The following FER1L6 variants were observed in gnomAD, a reference collection of about 807,000 sequenced individuals.
The protein encoded by FER1L6 is fer-1 like family member 6.
A neutral mutation model predicts 219.2 loss-of-function variants in FER1L6; 177 were observed. The observed-to-expected ratio is 0.81, with a 90% CI of 0.71 to 0.91. The LOEUF is 0.91. Ranked by LOEUF, FER1L6 falls within the 40% of genes least tolerant of loss-of-function variation. The pLI, the probability that FER1L6 is intolerant of heterozygous loss-of-function variation, is 0.00. For synonymous variants in FER1L6, 768 were observed against 824.3 expected (o/e 0.93, Z 1.17); for missense variants, 2,153 against 2,259.9 (o/e 0.95, Z 0.96).
chr8:123,969,991 G>T, intron 5 of FER1L6, 44 bp from the exon 6 acceptor site: 1 of 1,535,156 alleles, frequency 6.5e-7, no homozygotes, highest in Non-Finnish European at 9.0e-7. Flanking sequence ...ATTCTTAGGT[G>T]CAAGTCTGGG....
At chr8:123,857,510 A>C (rs2130244540) in intron 1 of FER1L6, among the ~76,000 whole-genome samples, 1 of 152,342 alleles carries the variant, frequency 6.6e-6, no homozygotes, top group East Asian at 1.9e-4. Context: ...ACACTATCTC[A>C]GAAAAAAATC....
intron 12 of FER1L6, among the ~76,000 whole-genome samples, chr8:123,987,456 C>T (rs1183999978): frequency 6.6e-6 from 1 of 152,008 alleles, no homozygotes; most frequent in Non-Finnish European, 1.5e-5. Flanking sequence ...CAGATATTTT[C>T]TCCTGTTCTG....
rs78559426 is a variant in FER1L6 at position 123,949,439 on chromosome 8, T to C, written c.-7-6553T>C. On this transcript the variant is annotated intron_variant, in intron 1 of 40. Coordinates refer to ENST00000522917, the MANE Select transcript of FER1L6 (RefSeq NM_001039112.2). Reference sequence around the variant, plus strand: ...AATGATTCCCATTTGTAATAAAATCTGTTATGGGTCAGTGTATTGGTGTTC... The same window carrying C: ...AATGATTCCCATTTGTAATAAAATCCGTTATGGGTCAGTGTATTGGTGTTC... 1.5e-3 allele frequency among the ~76,000 whole-genome samples: 224 copies of C among 152,336 alleles called. 2 individuals carry two copies. Among genetic ancestry groups the C allele is most frequent in the African/African-American group, 5.1e-3 (214 of 41,572 alleles).
chr8:123,985,388 C>G (rs1816524596), intron 11 of FER1L6: 1 of 152,346 alleles, frequency 6.6e-6, no homozygotes, highest in Non-Finnish European at 1.5e-5. Context: ...GTACATGTGA[C>G]TAATCTGCTA....
chr8:123,885,492 A>G (rs140360365), intron 1 of FER1L6, among the ~76,000 whole-genome samples: 3 of 152,378 alleles, frequency 2.0e-5, no homozygotes, highest in African/African-American at 7.2e-5. Flanking sequence ...AGCAGTAGTA[A>G]TAGCCAACAT....
At chr8:123,887,745 A>G (rs1817231069) in intron 1 of FER1L6, among the ~76,000 whole-genome samples, 1 of 151,956 alleles carries the variant, frequency 6.6e-6, no homozygotes, top group East Asian at 1.9e-4. Context: ...GGTCCCAGAG[A>G]GTGGGATTAG....
intron 1 of FER1L6, among the ~76,000 whole-genome samples, chr8:123,947,425 C>T (rs1453940825): frequency 6.6e-6 from 1 of 152,116 alleles, no homozygotes; most frequent in East Asian, 1.9e-4. Flanking sequence ...CTCCCCAGCT[C>T]CAAGATGAAT....
At chr8:123,873,107 T>A (rs1400542842) in intron 1 of FER1L6, among the ~76,000 whole-genome samples, 22 of 152,080 alleles carry the variant, frequency 1.4e-4, no homozygotes, top group Admixed American at 1.4e-3. Flanking sequence ...GACATTCCAT[T>A]TCTTCCCTCC....
rs760031874 is a variant in FER1L6 at position 124,013,547 on chromosome 8, GC to G, written c.1922+18del. On this transcript the variant is annotated intron_variant, in intron 15 of 40. Transcript: ENST00000522917. ...GTCGGAGCAGGTACCGGGAGAGACA[GC>G]CGGCATAGGCGGAGCTGAGCTTCTG... The G allele has an allele frequency of 5.2e-6, 8 of 1,550,486 alleles. No homozygotes were observed. In the African/African-American group the frequency reaches 6.9e-5, roughly 13 times the overall value.
At chr8:123,913,222 C>A (rs1311479219) in intron 1 of FER1L6, among the ~76,000 whole-genome samples, 1 of 151,024 alleles carries the variant, frequency 6.6e-6, no homozygotes, top group Non-Finnish European at 1.5e-5. Flanking sequence ...CTACTAACTA[C>A]AGAAAGTATT....
intron 33 of FER1L6, among the ~76,000 whole-genome samples, chr8:124,083,062 A>G: frequency 6.6e-6 from 1 of 152,110 alleles, no homozygotes; most frequent in East Asian, 1.9e-4. Flanking sequence ...GGTATATGAC[A>G]TATTTTGATA....
intron 18 of FER1L6, among the ~76,000 whole-genome samples, chr8:124,028,537 G>A (rs1818814778): frequency 6.6e-6 from 1 of 151,918 alleles, no homozygotes; most frequent in Non-Finnish European, 1.5e-5. Flanking sequence ...GTGAAGGTGG[G>A]CGGGGGTGGG....
intron 15 of FER1L6, 75 bp downstream of exon 15, chr8:124,013,606 G>A (rs895178338): frequency 5.1e-5 from 51 of 995,414 alleles, no homozygotes; most frequent in South Asian, 1.3e-4. Context: ...TGAGAAAGTC[G>A]TCGATTTCAC....
intron 1 of FER1L6, among the ~76,000 whole-genome samples, chr8:123,953,125 C>T (rs1443325216): frequency 6.6e-6 from 1 of 152,190 alleles, no homozygotes; most frequent in East Asian, 1.9e-4. Flanking sequence ...CCTCTTACTG[C>T]TCCATGTCAC....
intron 8 of FER1L6, 70 bp downstream of exon 8, chr8:123,975,376 A>C: frequency 7.0e-7 from 1 of 1,422,032 alleles, no homozygotes; most frequent in Non-Finnish European, 9.5e-7. Context: ...CCCCTCCCTC[A>C]CCACTTTTCT....
chr8:124,102,102 A>C (rs761588241), intron 38 of FER1L6, among the ~76,000 whole-genome samples: 6 of 152,234 alleles, frequency 3.9e-5, no homozygotes, highest in Non-Finnish European at 8.8e-5. Flanking sequence ...ATAGATTATC[A>C]GACTTGAAGA....
chr8:124,061,692 C>T (rs1820585921), intron 24 of FER1L6, among the ~76,000 whole-genome samples, 160 bp from the exon 25 acceptor site: 1 of 152,140 alleles, frequency 6.6e-6, no homozygotes, highest in African/African-American at 2.4e-5. Context: ...TACTCCCTGG[C>T]TCGGGAAGAC....
intron 14 of FER1L6, among the ~76,000 whole-genome samples, 197 bp downstream of exon 14, chr8:124,010,911 G>C (rs1232838478): frequency 1.3e-5 from 2 of 152,180 alleles, no homozygotes; most frequent in Non-Finnish European, 2.9e-5. Flanking sequence ...CCCTGGACTT[G>C]AATCAAACTA....
chr8:123,854,244 G>A (rs1021456115), intron 1 of FER1L6, among the ~76,000 whole-genome samples: 1 of 152,132 alleles, frequency 6.6e-6, no homozygotes, highest in Non-Finnish European at 1.5e-5. Flanking sequence ...AACACTGAGA[G>A]GATGAGAAAA....
Sources: allele counts gnomAD v4.1 joint callset (sites outside exome capture counted in the v4.1 genomes callset), GRCh38; gene constraint gnomAD v4.1.1; transcripts MANE v1.5; gene names NCBI Gene and HGNC (gene_info 2026-07-23, HGNC 2026-07-21).